Variants in TENM3 observed in about 807,000 individuals in gnomAD.
TENM3 encodes teneurin-3.
Under a neutral mutation model 255.1 loss-of-function variants are expected in TENM3, and 63 were observed. That is an observed-to-expected ratio of 0.25 (90% CI 0.20 to 0.30). The LOEUF (loss-of-function observed/expected upper bound fraction) is 0.30, where lower values mean the gene tolerates loss of function less well. TENM3 is among the 10% of genes least tolerant of loss of function. TENM3 has a pLI of 1.00. For synonymous variants in TENM3, 1,306 were observed against 1,322.3 expected, an observed-to-expected ratio of 0.99 and a Z score of 0.27; for missense variants, 2,929 against 3,461.1, an observed-to-expected ratio of 0.85 and a Z score of 3.86.
the TENM3 span, among the ~76,000 whole-genome samples, chr4:181,621,383 T>C: frequency 6.6e-6 from 1 of 152,348 alleles, no homozygotes; most frequent in African/African-American, 2.4e-5. Context: ...TATATCTTTA[T>C]TTGTTTTCAG....
chr4:182,775,180 T>C (rs1291611479), intron 24 of TENM3, 27 bp downstream of exon 24: 13 of 1,599,364 alleles, frequency 8.1e-6, no homozygotes, highest in Non-Finnish European at 1.1e-5. Context: ...GAGCAGGAGA[T>C]AGCTGCAGCC....
intron 5 of TENM3, among the ~76,000 whole-genome samples, chr4:182,630,491 G>A (rs1361882703): frequency 6.6e-6 from 1 of 152,102 alleles, no homozygotes; most frequent in Non-Finnish European, 1.5e-5. Flanking sequence ...TATTTGAACT[G>A]AACAAGGAGA....
chr4:181,587,818 C>A, the TENM3 span, among the ~76,000 whole-genome samples: 614 of 152,310 alleles, frequency 4.0e-3, 10 homozygotes, highest in East Asian at 0.019. Flanking sequence ...AGCATTCATT[C>A]TTCTAACACC....
the TENM3 span, among the ~76,000 whole-genome samples, chr4:182,112,960 A>G: frequency 2.0e-5 from 3 of 152,242 alleles, no homozygotes; most frequent in South Asian, 6.2e-4. Flanking sequence ...ACTTTGTCTA[A>G]CATCAGTATT....
the TENM3 span, among the ~76,000 whole-genome samples, chr4:181,544,434 A>AAAAAAAAAAAAAAC: frequency 6.9e-6 from 1 of 144,572 alleles, no homozygotes; most frequent in Non-Finnish European, 1.5e-5. Flanking sequence ...AAAAAAAAAA[A>AAAAAAAAAAAAAAC]AACTATAACT....
the TENM3 span, among the ~76,000 whole-genome samples, chr4:181,561,530 T>C: frequency 6.6e-6 from 1 of 152,190 alleles, no homozygotes; most frequent in South Asian, 2.1e-4. Context: ...CAATCAGTAG[T>C]AACCTTTCAC....
chr4:182,463,625 A>ATT (rs35176681), intron 3 of TENM3, among the ~76,000 whole-genome samples: 1 of 144,460 alleles, frequency 6.9e-6, no homozygotes, highest in Non-Finnish European at 1.5e-5. Context: ...CGCCTGGCTA[A>ATT]TTTTTTTTTT....
the TENM3 span, among the ~76,000 whole-genome samples, chr4:181,492,522 G>A: frequency 6.6e-6 from 1 of 152,194 alleles, no homozygotes; most frequent in Non-Finnish European, 1.5e-5. Context: ...CAAGTTTGTT[G>A]TTCTGTTTTC....
chr4:182,161,829 A>G (rs1427525974), intron 1 of TENM3, among the ~76,000 whole-genome samples: 9,137 of 23,476 alleles, frequency 0.39, 3,398 homozygotes, highest in Middle Eastern at 0.5. Flanking sequence ...ATATATACAC[A>G]TATATATGTG....
At chr4:182,756,975 G>A (rs915143542) in intron 22 of TENM3, among the ~76,000 whole-genome samples, 1 of 152,162 alleles carries the variant, frequency 6.6e-6, no homozygotes, top group African/African-American at 2.4e-5. Context: ...CAAGAAAAGT[G>A]CTGCCATCAG....
At chr4:182,003,111 C>T in the TENM3 span, among the ~76,000 whole-genome samples, 4 of 152,088 alleles carry the variant, frequency 2.6e-5, no homozygotes, top group African/African-American at 9.7e-5. Flanking sequence ...GCACAGCATG[C>T]AGGTAAGTTA....
At chr4:182,242,417 C>T (rs1757342551), upstream of TENM3, among the ~76,000 whole-genome samples, 1 of 151,966 alleles carries the variant, frequency 6.6e-6, no homozygotes, top group African/African-American at 2.4e-5. Flanking sequence ...CATAGTATTC[C>T]ATGGTGTATA....
At chr4:181,499,666 C>A in the TENM3 span, among the ~76,000 whole-genome samples, 1 of 152,090 alleles carries the variant, frequency 6.6e-6, no homozygotes, top group Non-Finnish European at 1.5e-5. Flanking sequence ...CAGTGACCCA[C>A]AAGAAATATC....
upstream of TENM3, chr4:182,142,161 G>C (rs1365740059): frequency 2.6e-5 from 4 of 151,998 alleles, no homozygotes; most frequent in Admixed American, 6.6e-5. Flanking sequence ...AAATGAGTGA[G>C]GGATATCATT....
At chr4:182,624,963 T>C (rs1750681045) in intron 4 of TENM3, among the ~76,000 whole-genome samples, 1 of 152,044 alleles carries the variant, frequency 6.6e-6, no homozygotes, top group Non-Finnish European at 1.5e-5. Context: ...GGGCTTTGGA[T>C]TGGGTGGTCA....
chr4:181,630,876 T>G, the TENM3 span, among the ~76,000 whole-genome samples: 233 of 152,224 alleles, frequency 1.5e-3, no homozygotes, highest in African/African-American at 5.0e-3. Flanking sequence ...CACACATTTT[T>G]TATTGATGGG....
intron 13 of TENM3, among the ~76,000 whole-genome samples, chr4:182,723,379 A>G (rs1452314174): frequency 6.6e-6 from 1 of 152,204 alleles, no homozygotes; most frequent in Non-Finnish European, 1.5e-5. Context: ...ATTACATGGG[A>G]ATTTCTAATT....
At chr4:181,810,339 G>A in the TENM3 span, among the ~76,000 whole-genome samples, 164 of 152,244 alleles carry the variant, frequency 1.1e-3, no homozygotes, top group Non-Finnish European at 1.5e-3. Flanking sequence ...AAACAGGCAA[G>A]CAGGTTTCTG....
At chr4:181,620,380 A>G in the TENM3 span, among the ~76,000 whole-genome samples, 1 of 152,206 alleles carries the variant, frequency 6.6e-6, no homozygotes, top group Admixed American at 6.5e-5. Flanking sequence ...ACTCCAGTCC[A>G]CAGTTGGCCA....
Sources: gnomAD v4.1 joint callset for allele counts (sites outside exome capture counted in the v4.1 genomes callset) on GRCh38, gnomAD v4.1.1 for gene constraint, MANE v1.5 for transcripts, NCBI Gene and HGNC (gene_info 2026-07-23, HGNC 2026-07-21) for gene names.